Variants in DNAJC11 observed in about 807,000 individuals in gnomAD.
DNAJC11 encodes dnaJ homolog subfamily C member 11.
DNAJC11 carries 15 observed loss-of-function variants against 78.6 expected under a neutral mutation model. The ratio of observed to expected loss-of-function variants is 0.19; its 90% CI spans 0.13 to 0.29. DNAJC11 has a LOEUF of 0.29. DNAJC11 is among the 10% of genes least tolerant of loss of function. DNAJC11 has a pLI of 1.00. For missense variants in DNAJC11, 547 were observed against 709.6 expected (o/e 0.77, Z 2.60); for synonymous variants, 292 against 272.1 (o/e 1.07, Z -0.72).
At chr1:6,676,249 T>C (rs1302978002) in intron 3 of DNAJC11, among the ~76,000 whole-genome samples, 1 of 152,162 alleles carries the variant, frequency 6.6e-6, no homozygotes, top group Non-Finnish European at 1.5e-5. Context: ...CAGCCCCATC[T>C]GAAGGGCAAG....
intron 3 of DNAJC11, among the ~76,000 whole-genome samples, chr1:6,674,970 T>A (rs1391359751): frequency 2.6e-5 from 4 of 151,982 alleles, no homozygotes; most frequent in Non-Finnish European, 5.9e-5. Flanking sequence ...AACTGAAGAG[T>A]TTAACAGTCT....
intron 10 of DNAJC11, among the ~76,000 whole-genome samples, chr1:6,642,175 A>G (rs1173612602): frequency 6.6e-6 from 1 of 152,114 alleles, no homozygotes; most frequent in East Asian, 1.9e-4. Context: ...GGAGTACTAC[A>G]TCACGGAGGG....
At position 6,634,652 on chromosome 1, in the gene DNAJC11, G is replaced by T. The variant is rs761963482; in HGVS notation, c.*1023C>A. 5.9e-6 allele frequency: 8 copies of T among 1,366,474 alleles called. No homozygotes were observed. The highest frequency in any genetic ancestry group is 7.8e-6 in the Non-Finnish European group (8 of 1,021,826). The allele number at this position is 1,366,474 out of a possible 1,614,324, so 84.6% of individuals were successfully genotyped here. The stretch of plus-strand genomic sequence containing the variant: ...CAGCCGAGGTCCAGGCCGTGGAGGG[G>T]GTCCTAGCTCCGCTGCATTCTGCAT... On this transcript the variant is annotated 3_prime_UTR_variant, in exon 16 of 16. Transcript: ENST00000377577.
Position 6,651,579 on chromosome 1 carries a change from T to A in DNAJC11, c.654A>T (p.Leu218=). ...WGELEFGAGD[L]QGPLFGLKLF... ...GCTTGAGACCGAACAAAGGCCCCTG[T>A]AGGTCTCCAGCTCCAAATTCCAACT... The change falls in exon 7 of 16, where the codon CTA becomes CTT. Residue 218 remains leucine (L), a synonymous_variant. Transcript: ENST00000377577. The A allele has an allele frequency of 6.2e-7, 1 of 1,614,130 alleles. No individual in the cohort carries two copies. Among genetic ancestry groups the A allele is most frequent in the Non-Finnish European group, 8.5e-7 (1 of 1,179,992 alleles).
At chr1:6,664,342 C>A (rs1330414510) in intron 4 of DNAJC11, among the ~76,000 whole-genome samples, 1 of 151,828 alleles carries the variant, frequency 6.6e-6, no homozygotes. Flanking sequence ...TGGGTTCACG[C>A]CATTCTCCTA....
At chr1:6,684,069 T>G (rs1642597006) in intron 1 of DNAJC11, among the ~76,000 whole-genome samples, 2 of 152,026 alleles carry the variant, frequency 1.3e-5, no homozygotes, top group South Asian at 4.1e-4. Flanking sequence ...CACACGGCCA[T>G]TACAAATCAT....
chr1:6,680,585 T>G lies in DNAJC11; in HGVS notation c.202+323A>C, dbSNP rs1022084092. 2.6e-5 allele frequency among the ~76,000 whole-genome samples: 4 copies of G among 152,154 alleles called. No individual in the cohort carries two copies. Among genetic ancestry groups the G allele is most frequent in the African/African-American group, 9.7e-5 (4 of 41,426 alleles). On this transcript the variant is annotated intron_variant, in intron 2 of 15. Transcript: ENST00000377577. The surrounding 1 kb of genome is among the most constrained non-coding windows in gnomAD (Gnocchi z 4.0). The stretch of plus-strand genomic sequence containing the variant: ...AACAAAAAAGAGAACAAAGAAACCT[T>G]CCCTGTAACGATCAGCCTTTTACCT...
intron 4 of DNAJC11, among the ~76,000 whole-genome samples, chr1:6,655,686 C>T (rs979756687): frequency 6.6e-6 from 1 of 152,046 alleles, no homozygotes; most frequent in African/African-American, 2.4e-5. Context: ...TAGCCAGGTA[C>T]ACGTCCCAGC....
chr1:6,636,087 G>A (rs765860944), intron 15 of DNAJC11, 30 bp downstream of exon 15: 22 of 1,603,226 alleles, frequency 1.4e-5, no homozygotes, highest in Non-Finnish European at 1.8e-5. Context: ...GCCCCCGTTA[G>A]CTGGTGACTG....
intron 1 of DNAJC11, among the ~76,000 whole-genome samples, chr1:6,688,866 T>G (rs1282684867): frequency 6.6e-6 from 1 of 152,230 alleles, no homozygotes; most frequent in African/African-American, 2.4e-5. Flanking sequence ...CACCCATCTG[T>G]CTGCTCAATG....
At chr1:6,640,582 A>T (rs1641860170) in intron 10 of DNAJC11, among the ~76,000 whole-genome samples, 1 of 152,202 alleles carries the variant, frequency 6.6e-6, no homozygotes, top group African/African-American at 2.4e-5. Context: ...CTGTAATCCC[A>T]GTACTTTGGG....
At chr1:6,694,254 C>T (rs1642797232) in intron 1 of DNAJC11, among the ~76,000 whole-genome samples, 1 of 152,148 alleles carries the variant, frequency 6.6e-6, no homozygotes, top group Non-Finnish European at 1.5e-5. Context: ...CCTCACCAGA[C>T]ATCTTCTATG....
intron 4 of DNAJC11, among the ~76,000 whole-genome samples, chr1:6,666,504 A>G (rs1455633522): frequency 6.7e-6 from 1 of 149,240 alleles, no homozygotes; most frequent in African/African-American, 2.5e-5. Flanking sequence ...CTCCTGTCTC[A>G]GCCTCCCAAG....
intron 1 of DNAJC11, among the ~76,000 whole-genome samples, chr1:6,695,568 G>C (rs1404323920): frequency 7.1e-6 from 1 of 140,964 alleles, no homozygotes; most frequent in Admixed American, 7.9e-5. Context: ...GAGGCGGATG[G>C]ATCACGACGT....
At chr1:6,660,923 T>C (rs550640579) in intron 4 of DNAJC11, among the ~76,000 whole-genome samples, 1 of 152,368 alleles carries the variant, frequency 6.6e-6, no homozygotes, top group East Asian at 1.9e-4. Context: ...AATGATGTAT[T>C]TGTACTCGTT....
chr1:6,667,956 G>A (rs1047045062), intron 3 of DNAJC11, 146 bp from the exon 4 acceptor site: 5 of 725,434 alleles, frequency 6.9e-6, no homozygotes, highest in South Asian at 1.7e-5. Context: ...CCCAAACCAT[G>A]AGTTCCACCA....
In DNAJC11 at chr1:6,678,595, C is replaced by T. The variant is rs747418906; in HGVS notation, c.203-128G>A. The T allele has an allele frequency of 2.9e-4, 211 of 731,678 alleles. 2 individuals carry two copies. The highest frequency in any genetic ancestry group is 2.6e-3 in the South Asian group (136 of 53,304). 45.3% of individuals were successfully genotyped at this position (731,678 alleles called of 1,614,324 possible). On this transcript the variant is annotated intron_variant, in intron 2 of 15. Coordinates refer to ENST00000377577, the MANE Select transcript of DNAJC11 (RefSeq NM_018198.4). Reference sequence around the variant, plus strand: ...GTCTGATCACAATCTTCCTAGAGACCCCTTTCATTTTCTACACATCTTTCC... The same window carrying T: ...GTCTGATCACAATCTTCCTAGAGACTCCTTTCATTTTCTACACATCTTTCC...
chr1:6,677,337 C>CG (rs1642480995), intron 3 of DNAJC11, among the ~76,000 whole-genome samples: 1 of 152,030 alleles, frequency 6.6e-6, no homozygotes, highest in African/African-American at 2.4e-5. Context: ...CTGTTGCCCA[C>CG]GTTAGAGTGT....
At chr1:6,676,026 A>C (rs1642455980) in intron 3 of DNAJC11, among the ~76,000 whole-genome samples, 1 of 152,176 alleles carries the variant, frequency 6.6e-6, no homozygotes. Context: ...AATAAATACA[A>C]CAGAATTCTA....
Sources: gnomAD v4.1 joint callset for allele counts (sites outside exome capture counted in the v4.1 genomes callset) on GRCh38, gnomAD v4.1.1 for gene constraint, Gnocchi (gnomAD v3.1) non-coding constraint, MANE v1.5 for transcripts, NCBI Gene and HGNC (gene_info 2026-07-23, HGNC 2026-07-21) for gene names.